Variants in TMCO6 observed in about 807,000 individuals in gnomAD.
The protein encoded by TMCO6 is transmembrane and coiled-coil domains 6, also known as transmembrane and coiled-coil domain-containing protein 6.
A neutral mutation model predicts 61.8 loss-of-function variants in TMCO6; 47 were observed. The observed-to-expected ratio is 0.76, with a 90% confidence interval of 0.60 to 0.97. The LOEUF is 0.97. Among genes scored for constraint, TMCO6 ranks in the 50% least tolerant of loss-of-function variants. The probability of loss-of-function intolerance (pLI) is 0.00; values close to 1 mark genes in which losing one functional copy is unlikely to be tolerated. For synonymous variants in TMCO6, 261 were observed against 254.2 expected (o/e 1.03, Z -0.25); for missense variants, 557 against 601.6 (o/e 0.93, Z 0.78).
the TMCO6 span, among the ~76,000 whole-genome samples, chr5:140,598,017 A>G: frequency 1.3e-5 from 2 of 152,062 alleles, no homozygotes; most frequent in Non-Finnish European, 2.9e-5. Context: ...TAGTCATACC[A>G]ACACCCTCCC....
the TMCO6 span, among the ~76,000 whole-genome samples, chr5:140,600,712 C>T: frequency 1.3e-5 from 2 of 152,254 alleles, no homozygotes; most frequent in South Asian, 2.1e-4. Flanking sequence ...ATCCACCTGC[C>T]TCAGCCTCTC....
chr5:140,642,186 A>G (rs1455940670), intron 4 of TMCO6, 129 bp from the exon 5 acceptor site: 1 of 1,402,056 alleles, frequency 7.1e-7, no homozygotes, highest in African/African-American at 1.4e-5. Context: ...TACACCCATC[A>G]TCTCCCCACC....
intron 2 of TMCO6, 71 bp downstream of exon 2, chr5:140,639,922 C>T (rs1039576939): frequency 1.5e-6 from 2 of 1,349,808 alleles, no homozygotes; most frequent in African/African-American, 2.9e-5. Flanking sequence ...TACTCGAGGT[C>T]TGCCCCAAAC....
Position 140,641,769 on chromosome 5 carries a change from A to G in TMCO6, c.303A>G (p.Gln101=), listed in dbSNP as rs748130977. The G allele has an allele frequency of 6.3e-5, 102 of 1,614,206 alleles. No homozygotes were observed. The highest frequency in any genetic ancestry group is 3.1e-4 in the South Asian group (28 of 91,084). Residue 101 remains glutamine (Q), a synonymous_variant, in exon 3 of 12, where the codon CAA becomes CAG. Coordinates refer to ENST00000394671, the MANE Select transcript of TMCO6 (RefSeq NM_018502.5). ...GCTTGCAGCACCCTGAAACACAGCAAACCTTCATCCGGTCAGTGTGGATGG... is the reference window on the plus strand; with the variant it reads ...GCTTGCAGCACCCTGAAACACAGCAGACCTTCATCCGGTCAGTGTGGATGG... The part of the protein sequence containing the change: ...RRGLQHPETQ[Q]TFIRLEGSMR...
At chr5:140,602,590 C>G in the TMCO6 span, among the ~76,000 whole-genome samples, 1 of 151,800 alleles carries the variant, frequency 6.6e-6, no homozygotes. Flanking sequence ...ATAGCCAAAC[C>G]CCATCTCTAC....
the TMCO6 span, among the ~76,000 whole-genome samples, chr5:140,631,436 T>C: frequency 6.6e-6 from 1 of 152,078 alleles, no homozygotes; most frequent in Admixed American, 6.6e-5. Context: ...GGGAAGTGCA[T>C]AGGAGAGGAA....
chr5:140,632,488 G>T, the TMCO6 span: 2 of 1,614,060 alleles, frequency 1.2e-6, no homozygotes, highest in South Asian at 2.2e-5. This position sits in a 1 kb window ranked among gnomAD's most constrained non-coding sequence, Gnocchi z 6.2. Context: ...TTGAGCCACT[G>T]CTGCAGCTCG....
At chr5:140,604,377 C>A in the TMCO6 span, among the ~76,000 whole-genome samples, 1 of 151,862 alleles carries the variant, frequency 6.6e-6, no homozygotes, top group African/African-American at 2.4e-5. Flanking sequence ...CTGGGCAACA[C>A]AGTGAGATTC....
chr5:140,638,612 T>G (rs1041776232), upstream of TMCO6: 1 of 150,302 alleles, frequency 6.7e-6, no homozygotes, highest in African/African-American at 2.5e-5. Flanking sequence ...CCCCAGGCAA[T>G]GGGGCGCGAT....
chr5:140,616,055 C>T, the TMCO6 span, among the ~76,000 whole-genome samples: 1 of 152,006 alleles, frequency 6.6e-6, no homozygotes, highest in Admixed American at 6.6e-5. Flanking sequence ...TCACTTGAAC[C>T]CAGGAGGTGG....
chr5:140,637,292 G>A (rs1756791815), upstream of TMCO6, among the ~76,000 whole-genome samples: 1 of 152,174 alleles, frequency 6.6e-6, no homozygotes, highest in Non-Finnish European at 1.5e-5. Context: ...TGAATGTGAG[G>A]AACACGGTTT....
the TMCO6 span, chr5:140,632,119 C>A: frequency 6.2e-7 from 1 of 1,614,208 alleles, no homozygotes; most frequent in Non-Finnish European, 8.5e-7. The surrounding 1 kb of genome is among the most constrained non-coding windows in gnomAD (Gnocchi z 6.2). Context: ...GGCACCTGTT[C>A]CAGCCCAGCG....
upstream of TMCO6, among the ~76,000 whole-genome samples, chr5:140,634,450 C>T (rs1320942231): frequency 2.0e-5 from 3 of 151,288 alleles, no homozygotes; most frequent in Non-Finnish European, 4.4e-5. Flanking sequence ...GTCCACATCC[C>T]TAGACCTCTG....
chr5:140,598,066 G>GA, the TMCO6 span, among the ~76,000 whole-genome samples: 1 of 152,218 alleles, frequency 6.6e-6, no homozygotes, highest in East Asian at 1.9e-4. Context: ...AAAAATGGAG[G>GA]AATCTCTCCA....
At chr5:140,623,129 C>T in the TMCO6 span, among the ~76,000 whole-genome samples, 2 of 152,128 alleles carry the variant, frequency 1.3e-5, no homozygotes, top group Non-Finnish European at 2.9e-5. Context: ...TGTAAGAAAA[C>T]CCAGTTCCCC....
upstream of TMCO6, chr5:140,638,622 T>C (rs1487538747): frequency 1.3e-5 from 2 of 151,140 alleles, no homozygotes. Context: ...TGGGGCGCGA[T>C]CTCGGCCCAC....
At chr5:140,627,747 T>C in the TMCO6 span, among the ~76,000 whole-genome samples, 1 of 151,218 alleles carries the variant, frequency 6.6e-6, no homozygotes, top group East Asian at 2.0e-4. Flanking sequence ...TTTTTTGAGA[T>C]TAGCCAGGTG....
chr5:140,646,009 CTTTTTT>C (rs5871744), downstream of TMCO6, among the ~76,000 whole-genome samples: 6 of 124,114 alleles, frequency 4.8e-5, no homozygotes, highest in African/African-American at 1.8e-4. Context: ...CATTCTCTCT[CTTTTTT>C]TTTTTTTTTT....
At chr5:140,636,899 G>A (rs931301459), upstream of TMCO6, among the ~76,000 whole-genome samples, 13 of 152,032 alleles carry the variant, frequency 8.6e-5, no homozygotes, top group Admixed American at 2.6e-4. Context: ...AAATTCTTAG[G>A]TGCCACCGGG....
Sources: allele counts gnomAD v4.1 joint callset (sites outside exome capture counted in the v4.1 genomes callset), GRCh38; gene constraint gnomAD v4.1.1; non-coding constraint Gnocchi (gnomAD v3.1); transcripts MANE v1.5; gene names NCBI Gene and HGNC (gene_info 2026-07-23, HGNC 2026-07-21).